The following CRTAC1 variants were observed in gnomAD, a reference collection of about 807,000 sequenced individuals.
The protein encoded by CRTAC1 is cartilage acidic protein 1.
Under a neutral mutation model 67.8 loss-of-function variants are expected in CRTAC1, and 37 were observed. The ratio of observed to expected loss-of-function variants is 0.55; its 90% confidence interval spans 0.42 to 0.72. The LOEUF is 0.72. Ranked by LOEUF, CRTAC1 falls within the 30% of genes least tolerant of loss-of-function variation. The probability of loss-of-function intolerance (pLI) is 0.00; values close to 1 mark genes in which losing one functional copy is unlikely to be tolerated. For missense variants in CRTAC1, 780 were observed against 931.6 expected, an observed-to-expected ratio of 0.84 and a Z score of 2.12; for synonymous variants, 348 against 371.0, an observed-to-expected ratio of 0.94 and a Z score of 0.71.
intron 2 of CRTAC1, among the ~76,000 whole-genome samples, chr10:97,954,189 C>A (rs2051404119): frequency 6.6e-6 from 1 of 152,054 alleles, no homozygotes; most frequent in South Asian, 2.1e-4. Context: ...CTGGAGAAGG[C>A]TAATATTGAA....
intron 2 of CRTAC1, among the ~76,000 whole-genome samples, chr10:97,981,565 T>G (rs543217549): frequency 2.6e-3 from 401 of 152,370 alleles, no homozygotes; most frequent in African/African-American, 8.7e-3. Flanking sequence ...CTTCTGGTTT[T>G]TTTGCTCTTA....
chr10:97,913,413 A>G (rs912100390), intron 5 of CRTAC1, among the ~76,000 whole-genome samples: 8 of 152,094 alleles, frequency 5.3e-5, no homozygotes, highest in Non-Finnish European at 8.8e-5. Context: ...AGGCCCCATC[A>G]TTTGTTTCCT....
At chr10:97,950,672 G>T (rs771652640) in intron 2 of CRTAC1, among the ~76,000 whole-genome samples, 2 of 152,228 alleles carry the variant, frequency 1.3e-5, no homozygotes, top group Non-Finnish European at 2.9e-5. Context: ...GTGAGCTCTT[G>T]CTGGTCACCG....
intron 11 of CRTAC1, among the ~76,000 whole-genome samples, chr10:97,890,121 T>A (rs938884457): frequency 1.6e-5 from 2 of 124,782 alleles, no homozygotes; most frequent in Admixed American, 1.7e-4. Context: ...ACACACACTC[T>A]CACACGTGTA....
chr10:97,949,990 A>G (rs758654680), intron 2 of CRTAC1, among the ~76,000 whole-genome samples: 1 of 152,240 alleles, frequency 6.6e-6, no homozygotes, highest in Non-Finnish European at 1.5e-5. Flanking sequence ...TATTTTTGAA[A>G]GAATGAATTA....
At chr10:97,920,704 G>A (rs954825884) in intron 4 of CRTAC1, among the ~76,000 whole-genome samples, 15 of 152,142 alleles carry the variant, frequency 9.9e-5, no homozygotes, top group African/African-American at 3.4e-4. Flanking sequence ...CCTCGTCCTC[G>A]GGCAAATCCC....
intron 1 of CRTAC1, among the ~76,000 whole-genome samples, chr10:98,012,719 G>A (rs186547061): frequency 9.8e-5 from 15 of 152,300 alleles, no homozygotes; most frequent in East Asian, 3.9e-4. Context: ...AGAGCCAGAC[G>A]TGATTCAGGA....
At chr10:97,941,349 C>T (rs1351088721) in intron 2 of CRTAC1, among the ~76,000 whole-genome samples, 3 of 152,022 alleles carry the variant, frequency 2.0e-5, no homozygotes, top group African/African-American at 7.3e-5. Flanking sequence ...TGTTGGAGTC[C>T]CCAGTCCTGG....
At chr10:98,017,247 T>C (rs1260672973) in intron 1 of CRTAC1, among the ~76,000 whole-genome samples, 1 of 152,172 alleles carries the variant, frequency 6.6e-6, no homozygotes, top group Non-Finnish European at 1.5e-5. Context: ...ACCCAGCCTT[T>C]GCCTTCAAGG....
chr10:97,880,432 G>T, intron 13 of CRTAC1, 40 bp from the exon 14 acceptor site: 4 of 1,601,646 alleles, frequency 2.5e-6, no homozygotes, highest in Non-Finnish European at 3.4e-6. Flanking sequence ...AAGGTGTGGG[G>T]CAGCAAGTAC....
chr10:97,923,151 TCTATCCAA>T, intron 4 of CRTAC1, 105 bp downstream of exon 4: 1 of 1,222,054 alleles, frequency 8.2e-7, no homozygotes, highest in East Asian at 2.4e-5. Flanking sequence ...TAGCACCCAA[TCTATCCAA>T]GACACCGCGG....
Position 97,895,215 on chromosome 10 carries a change from C to G in CRTAC1, c.1486+30G>C. 1 of 1,599,064 alleles carries G rather than the reference C, an allele frequency of 6.3e-7. No homozygotes were observed. Among genetic ancestry groups the G allele is most frequent in the South Asian group, 1.1e-5 (1 of 90,434 alleles). ...GAATCAGTCAGCATCCTGATAACAG[C>G]TCACTGTCCCCCACCGGACCCCGAC... On this transcript the variant is annotated intron_variant, in intron 11 of 14. Coordinates refer to ENST00000370597, the MANE Select transcript of CRTAC1 (RefSeq NM_018058.7). This position sits in a 1 kb window ranked among gnomAD's most constrained non-coding sequence, Gnocchi z 4.2.
intron 3 of CRTAC1, among the ~76,000 whole-genome samples, chr10:97,926,754 T>C (rs2050926408): frequency 6.6e-6 from 1 of 152,214 alleles, no homozygotes; most frequent in South Asian, 2.1e-4. Flanking sequence ...ACTTGAAGTG[T>C]TCAGAGGGTT....
intron 14 of CRTAC1, among the ~76,000 whole-genome samples, chr10:97,875,114 A>T (rs1269382004): frequency 6.6e-6 from 1 of 152,216 alleles, no homozygotes; most frequent in Non-Finnish European, 1.5e-5. Flanking sequence ...TTACCTAGAG[A>T]TCGCACAGCA....
intron 2 of CRTAC1, among the ~76,000 whole-genome samples, chr10:97,967,369 C>A (rs901808678): frequency 2.0e-5 from 3 of 152,262 alleles, no homozygotes; most frequent in Admixed American, 1.3e-4. Flanking sequence ...CCAGATGCTC[C>A]AGGCTCACTT....
At chr10:97,872,085 G>A (rs748275622) in intron 14 of CRTAC1, among the ~76,000 whole-genome samples, 3 of 152,078 alleles carry the variant, frequency 2.0e-5, no homozygotes, top group Non-Finnish European at 4.4e-5. Context: ...CTTCTCAAGG[G>A]CAGGGAGCCT....
chr10:97,995,127 C>A (rs2136676845), intron 2 of CRTAC1, among the ~76,000 whole-genome samples: 1 of 152,306 alleles, frequency 6.6e-6, no homozygotes, highest in East Asian at 1.9e-4. Context: ...GTTCATGTTT[C>A]TTTGCTTGGC....
intron 2 of CRTAC1, among the ~76,000 whole-genome samples, chr10:97,965,285 T>G (rs998017817): frequency 2.0e-5 from 3 of 152,244 alleles, no homozygotes; most frequent in Non-Finnish European, 2.9e-5. Flanking sequence ...CAAGTGCCTT[T>G]AAACACTTAA....
At chr10:97,987,260 T>C (rs1038812387) in intron 2 of CRTAC1, among the ~76,000 whole-genome samples, 1 of 152,232 alleles carries the variant, frequency 6.6e-6, no homozygotes, top group Non-Finnish European at 1.5e-5. Flanking sequence ...AAGCCATGGC[T>C]CTCATGGATG....
Sources: gnomAD v4.1 joint callset for allele counts (sites outside exome capture counted in the v4.1 genomes callset) on GRCh38, gnomAD v4.1.1 for gene constraint, Gnocchi (gnomAD v3.1) non-coding constraint, MANE v1.5 for transcripts, NCBI Gene and HGNC (gene_info 2026-07-23, HGNC 2026-07-21) for gene names.